The following CPED1 variants were observed in gnomAD, a reference collection of about 807,000 sequenced individuals.
The protein encoded by CPED1 is cadherin like and PC-esterase domain containing 1, also known as cadherin-like and PC-esterase domain-containing protein 1.
A neutral mutation model predicts 128.2 loss-of-function variants in CPED1; 114 were observed. That is an observed-to-expected ratio of 0.89 (90% CI 0.76 to 1.04). The LOEUF (loss-of-function observed/expected upper bound fraction) is 1.04. CPED1 is among the 50% of genes least tolerant of loss of function. The pLI is 0.00. For synonymous variants in CPED1, 462 were observed against 426.7 expected (o/e 1.08, Z -1.02); for missense variants, 1,211 against 1,207.1 (o/e 1.00, Z -0.05).
intron 16 of CPED1, among the ~76,000 whole-genome samples, chr7:121,194,048 ATTTTT>A (rs68159246): frequency 4.2e-4 from 20 of 47,454 alleles, no homozygotes; most frequent in African/African-American, 1.6e-3. Context: ...ATATATATAT[ATTTTT>A]TTTTTTTTTT....
chr7:121,137,725 A>G (rs536394770), intron 14 of CPED1, among the ~76,000 whole-genome samples: 1 of 152,138 alleles, frequency 6.6e-6, no homozygotes, highest in East Asian at 1.9e-4. Context: ...TCACCATCCA[A>G]TCTCCTACCC....
chr7:121,151,672 A>T (rs964586527), intron 16 of CPED1, among the ~76,000 whole-genome samples: 8 of 152,324 alleles, frequency 5.3e-5, no homozygotes, highest in Admixed American at 5.2e-4. Flanking sequence ...AAAAGTGGTT[A>T]TGAGTTGTAG....
chr7:121,213,054 AGT>A (rs972308526), intron 16 of CPED1, among the ~76,000 whole-genome samples: 5 of 152,010 alleles, frequency 3.3e-5, no homozygotes, highest in African/African-American at 1.2e-4. Context: ...AGCATTTTAA[AGT>A]GCAGCTGGTT....
chr7:121,230,619 GC>G (rs1278513666), intron 16 of CPED1, among the ~76,000 whole-genome samples: 2 of 151,914 alleles, frequency 1.3e-5, no homozygotes. Flanking sequence ...AAAGTTTTTG[GC>G]CTTTCTTCCA....
Position 121,228,586 on chromosome 7 carries a change from C to CAAA in CPED1, c.2056-8116_2056-8114dup, listed in dbSNP as rs3068082. Reference sequence around the variant, plus strand: ...TATGGACAATGATATGGAGATTTCTCAAAAAAAAAAAAAATCCAAAATAGA... The same window carrying CAAA: ...TATGGACAATGATATGGAGATTTCTCAAAAAAAAAAAAAAAAATCCAAAATAGA... On this transcript the variant is annotated intron_variant, in intron 16 of 22. Coordinates refer to ENST00000310396, the MANE Select transcript of CPED1 (RefSeq NM_024913.5). 8.9e-3 allele frequency among the ~76,000 whole-genome samples: 1,271 copies of CAAA among 142,690 alleles called. 29 individuals carry two copies. Among genetic ancestry groups the CAAA allele is most frequent in the South Asian group, 0.037 (163 of 4,458 alleles). 93.6% of individuals were successfully genotyped at this position (142,690 alleles called of 152,430 possible). A position where few individuals can be genotyped will look rare whatever the true frequency, so the allele number is the denominator to read the frequency against.
intron 16 of CPED1, among the ~76,000 whole-genome samples, chr7:121,220,907 C>A (rs1797860395): frequency 6.6e-6 from 1 of 151,974 alleles, no homozygotes; most frequent in Non-Finnish European, 1.5e-5. Context: ...TCATGTTCTG[C>A]AATTTGCTTT....
At chr7:121,030,887 T>C (rs1327692421) in intron 3 of CPED1, among the ~76,000 whole-genome samples, 2 of 152,218 alleles carry the variant, frequency 1.3e-5, no homozygotes, top group African/African-American at 4.8e-5. Flanking sequence ...CTATGCACTT[T>C]ATATGTATTA....
intron 18 of CPED1, among the ~76,000 whole-genome samples, chr7:121,255,341 T>C (rs1256169258): frequency 3.3e-5 from 5 of 151,984 alleles, no homozygotes; most frequent in Non-Finnish European, 7.4e-5. Flanking sequence ...TAGAAAAAGC[T>C]TCTTATAAAT....
chr7:121,108,959 C>A (rs1047532447), intron 7 of CPED1, among the ~76,000 whole-genome samples: 1 of 152,104 alleles, frequency 6.6e-6, no homozygotes, highest in Admixed American at 6.6e-5. Flanking sequence ...CTACACAATA[C>A]CAGTTTTAAA....
At chr7:121,134,788 G>A (rs973810532) in intron 13 of CPED1, among the ~76,000 whole-genome samples, 1 of 151,902 alleles carries the variant, frequency 6.6e-6, no homozygotes, top group African/African-American at 2.4e-5. Context: ...TCATAGTGCT[G>A]GTGGACGTAT....
intron 22 of CPED1, among the ~76,000 whole-genome samples, chr7:121,287,258 G>T (rs1408342443): frequency 6.6e-6 from 1 of 151,800 alleles, no homozygotes; most frequent in Non-Finnish European, 1.5e-5. Flanking sequence ...CCAACCTCCT[G>T]CCACACAGAC....
chr7:121,079,082 T>C (rs1794212515), intron 5 of CPED1, among the ~76,000 whole-genome samples: 1 of 152,218 alleles, frequency 6.6e-6, no homozygotes, highest in Non-Finnish European at 1.5e-5. Flanking sequence ...AGTGATTTCA[T>C]TTCACTTTAA....
chr7:121,263,449 G>A (rs1333453044), intron 18 of CPED1, among the ~76,000 whole-genome samples: 1 of 152,070 alleles, frequency 6.6e-6, no homozygotes, highest in African/African-American at 2.4e-5. Flanking sequence ...CCAAGAATAT[G>A]AAAAGTATTT....
At chr7:121,205,850 A>C (rs1021191373) in intron 16 of CPED1, among the ~76,000 whole-genome samples, 34 of 152,116 alleles carry the variant, frequency 2.2e-4, no homozygotes, top group Non-Finnish European at 3.5e-4. Context: ...AAGCAAGTAG[A>C]AAGCTGAAGG....
chr7:121,272,380 ACTT>A (rs1442559764), intron 22 of CPED1, among the ~76,000 whole-genome samples: 1 of 150,364 alleles, frequency 6.7e-6, no homozygotes, highest in Non-Finnish European at 1.5e-5. Context: ...CTAGCATGCT[ACTT>A]CTTTTTTTTT....
At chr7:121,294,194 T>C (rs1179696694) in intron 22 of CPED1, among the ~76,000 whole-genome samples, 1 of 152,178 alleles carries the variant, frequency 6.6e-6, no homozygotes, top group Non-Finnish European at 1.5e-5. Context: ...AGACTACAAA[T>C]GTAGCCTCTT....
chr7:121,073,510 CCTT>C (rs1480155197), intron 5 of CPED1, among the ~76,000 whole-genome samples: 6 of 152,156 alleles, frequency 3.9e-5, no homozygotes, highest in African/African-American at 1.2e-4. Context: ...TAACACCAGT[CCTT>C]CTTCTACAGT....
chr7:121,040,753 A>G (rs1312344048), intron 3 of CPED1, among the ~76,000 whole-genome samples: 1 of 152,042 alleles, frequency 6.6e-6, no homozygotes, highest in African/African-American at 2.4e-5. Context: ...TAAAAAATTA[A>G]ACACCTTTAG....
At chr7:121,126,426 C>G (rs1051181263) in intron 9 of CPED1, among the ~76,000 whole-genome samples, 2 of 151,710 alleles carry the variant, frequency 1.3e-5, no homozygotes, top group Non-Finnish European at 2.9e-5. Context: ...TATTATCTCC[C>G]CCAACATATT....
Sources: allele counts gnomAD v4.1 joint callset (sites outside exome capture counted in the v4.1 genomes callset), GRCh38; gene constraint gnomAD v4.1.1; transcripts MANE v1.5; gene names NCBI Gene and HGNC (gene_info 2026-07-23, HGNC 2026-07-21).